PKD1: variants seen among roughly 807,000 people sequenced by gnomAD.
The protein encoded by PKD1 is polycystin-1.
In PKD1, 81 loss-of-function variants were observed where a neutral mutation model predicts 361.7. The ratio of observed to expected loss-of-function variants is 0.22; its 90% CI spans 0.19 to 0.27. The LOEUF is 0.27. Ranked by LOEUF, PKD1 falls within the 10% of genes least tolerant of loss-of-function variation. The probability of loss-of-function intolerance (pLI) is 1.00; values close to 1 mark genes in which losing one functional copy is unlikely to be tolerated. For missense variants in PKD1, 6,399 were observed against 6,118.3 expected, an observed-to-expected ratio of 1.05 and a Z score of -1.53; for synonymous variants, 3,615 against 2,818.3, an observed-to-expected ratio of 1.28 and a Z score of -8.95.
intron 1 of PKD1, among the ~76,000 whole-genome samples, chr16:2,129,412 G>C (rs930484563): frequency 3.3e-5 from 5 of 151,718 alleles, no homozygotes; most frequent in Non-Finnish European, 7.4e-5. Context: ...ACAGGCGTGA[G>C]GCACCGCGCC....
intron 1 of PKD1, among the ~76,000 whole-genome samples, chr16:2,125,267 C>T (rs916167932): frequency 6.6e-6 from 1 of 152,156 alleles, no homozygotes; most frequent in Non-Finnish European, 1.5e-5. Context: ...CTACCACTTC[C>T]ATGGGGAGGG....
intron 1 of PKD1, among the ~76,000 whole-genome samples, chr16:2,131,119 T>G (rs1411843886): frequency 1.6e-4 from 24 of 151,994 alleles, no homozygotes; most frequent in Non-Finnish European, 7.4e-5. Flanking sequence ...ACCATGGAGG[T>G]GGCACCCCCA....
chr16:2,097,181 T>C lies in PKD1; in HGVS notation c.10466A>G (p.Asp3489Gly). The C allele has an allele frequency of 6.4e-7, 1 of 1,556,992 alleles. No individual in the cohort carries two copies. Among genetic ancestry groups the C allele is most frequent in the Non-Finnish European group, 8.7e-7 (1 of 1,150,726 alleles). The change falls in exon 34 of 46, where the codon GAC (aspartate) becomes GGC (glycine). Residue 3489 changes from aspartate to glycine, a missense_variant. Transcript: ENST00000262304. ...EGVSSPAPTQ[D>G]THMETDLLSS... The stretch of plus-strand genomic sequence containing the variant: ...GAGCAGGTCCGTTTCCATGTGGGTG[T>C]CTTGGGTAGGGGCTGGGCTGCTGAC...
In PKD1 at chr16:2,105,345, C is replaced by A; in HGVS notation, c.7993G>T (p.Ala2665Ser). The change falls in exon 21 of 46, where the codon GCT (alanine) becomes TCT (serine). Residue 2665 changes from alanine (A) to serine (S), a missense_variant. Physicochemically the swap from Ala to Ser is moderately conservative, Grantham distance 99. Transcript: ENST00000262304. Reference protein sequence around the residue: ...VHTVDDIQQIAAALAQCMGPS... With the variant: ...VHTVDDIQQISAALAQCMGPS... ...ACCATGCACTGGGCCAGCGCAGCAGCGATCTGCTGGATGTCATCCACAGTG... is the reference window on the plus strand; with the variant it reads ...ACCATGCACTGGGCCAGCGCAGCAGAGATCTGCTGGATGTCATCCACAGTG... 6.3e-7 allele frequency: 1 copy of A among 1,592,702 alleles called. No individual in the cohort carries two copies. Among genetic ancestry groups the A allele is most frequent in the Non-Finnish European group, 8.5e-7 (1 of 1,177,014 alleles).
intron 41 of PKD1, 75 bp downstream of exon 41, chr16:2,091,706 G>T: frequency 6.3e-7 from 1 of 1,583,338 alleles, no homozygotes; most frequent in East Asian, 2.3e-5. Flanking sequence ...GGCCAGCGGG[G>T]GCCGGAGGAG....
Position 2,100,412 on chromosome 16 carries a change from C to T in PKD1, c.9552G>A (p.Val3184=), listed in dbSNP as rs1320050566. ...CGCACAAACCTTTGTTGTCGTGCCA[C>T]ACTCGGATCTTCCACACGCTACCCA... ...HSLGSVWKIR[V]WHDNKGLSPA... is the part of the protein sequence containing the mutation. The change falls in exon 27 of 46, where the codon GTG becomes GTA. Residue 3184 remains valine, a synonymous_variant. Coordinates refer to ENST00000262304, the MANE Select transcript of PKD1 (RefSeq NM_001009944.3). The surrounding 1 kb of genome is among the most constrained non-coding windows in gnomAD (Gnocchi z 4.4). 6.2e-7 allele frequency: 1 copy of T among 1,611,170 alleles called. No individual in the cohort carries two copies. Among genetic ancestry groups the T allele is most frequent in the African/African-American group, 1.3e-5 (1 of 74,860 alleles).
At chr16:2,131,550 C>G (rs955460102) in intron 1 of PKD1, among the ~76,000 whole-genome samples, 1 of 150,076 alleles carries the variant, frequency 6.7e-6, no homozygotes, top group Non-Finnish European at 1.5e-5. Flanking sequence ...TAAAATACAT[C>G]ACTCACACCT....
At chr16:2,103,054 C>T in intron 23 of PKD1, 84 bp from the exon 24 acceptor site, 1 of 1,485,062 alleles carries the variant, frequency 6.7e-7, no homozygotes, top group Non-Finnish European at 9.3e-7. Context: ...TGAGCCCACC[C>T]TCTGCCACGG....
Position 2,094,187 on chromosome 16 carries a change from G to C in PKD1, c.10523C>G (p.Thr3508Arg). The change falls in exon 35 of 46, where the codon ACA becomes AGA. Residue 3508 changes from threonine (T) to arginine (R), a missense_variant. By Grantham distance (71) the Thr-to-Arg change is moderately conservative. Coordinates refer to ENST00000262304, the MANE Select transcript of PKD1 (RefSeq NM_001009944.3). Reference protein sequence around the residue: ...SSLSSTPGEKTETLALQRLGE... With the variant: ...SSLSSTPGEKRETLALQRLGE... ...CAGCCTCTGCAGCGCCAGCGTCTCT[G>C]TCTTCTCCCCAGGAGTGCTGGACCT... 1 of 1,605,756 alleles carries C rather than the reference G, an allele frequency of 6.2e-7. No individual in the cohort carries two copies. Among genetic ancestry groups the C allele is most frequent in the Non-Finnish European group, 8.5e-7 (1 of 1,175,130 alleles).
chr16:2,102,562 G>A lies in PKD1; in HGVS notation c.9020C>T (p.Ser3007Phe). 6 of 1,611,058 alleles carry A rather than the reference G, an allele frequency of 3.7e-6. No individual in the cohort carries two copies. Among genetic ancestry groups the A allele is most frequent in the Non-Finnish European group, 5.1e-6 (6 of 1,179,776 alleles). The part of the protein sequence containing the change: ...SHFRWSALQV[S>F]VGLYTSLCQY... Reference sequence around the variant, plus strand: ...GCACAGGGACGTGTACAGGCCCACGGACACCTGCAGCGCCGACCAGCGGAA... The same window carrying A: ...GCACAGGGACGTGTACAGGCCCACGAACACCTGCAGCGCCGACCAGCGGAA... The change falls in exon 25 of 46, where the codon TCC becomes TTC. Residue 3007 changes from serine (S) to phenylalanine (F), a missense_variant. Transcript: ENST00000262304.
rs376130543 is a variant in PKD1 at position 2,097,257 on chromosome 16, G to A, written c.10406-16C>T. On this transcript the variant is annotated splice_polypyrimidine_tract_variant and intron_variant, in intron 33 of 45. Transcript: ENST00000262304. ...AGGTCTTCATCTAGAGGTACAGGAG[G>A]CATAGGGTGGGCCCAGCTGCAAGGG... The A allele has an allele frequency of 1.7e-5, 27 of 1,598,068 alleles. No homozygotes were observed. Among genetic ancestry groups the A allele is most frequent in the South Asian group, 1.0e-4 (9 of 88,840 alleles).
intron 11 of PKD1, 180 bp from the exon 12 acceptor site, chr16:2,113,472 C>T: frequency 1.5e-6 from 1 of 685,678 alleles, no homozygotes; most frequent in Non-Finnish European, 2.6e-6. Context: ...CTGTCCGGCT[C>T]TCCAGCCAGC....
Position 2,100,483 on chromosome 16 carries a change from G to A in PKD1, c.9481C>T (p.His3161Tyr), listed in dbSNP as rs745380154. Reference protein sequence around the residue: ...HRHLDGDRAFHRNSLDIFRIA... With the variant: ...HRHLDGDRAFYRNSLDIFRIA... Reference sequence around the variant, plus strand: ...CGGAAGATGTCCAGGCTGTTGCGGTGGAAGGCTCTGTCGCCGTCCAGGTGC... The same window carrying A: ...CGGAAGATGTCCAGGCTGTTGCGGTAGAAGGCTCTGTCGCCGTCCAGGTGC... The change falls in exon 27 of 46, where the codon CAC becomes TAC. Residue 3161 changes from histidine to tyrosine, a missense_variant. By Grantham distance (83) the His-to-Tyr change is moderately conservative (BLOSUM62 2). Transcript: ENST00000262304. The surrounding 1 kb of genome is among the most constrained non-coding windows in gnomAD (Gnocchi z 4.4). 11 of 1,610,654 alleles carry A rather than the reference G, an allele frequency of 6.8e-6. No individual in the cohort carries two copies. Among genetic ancestry groups the A allele is most frequent in the Middle Eastern group, 2.3e-4 (1 of 4,430 alleles).
At chr16:2,095,908 T>C (rs879692704) in intron 34 of PKD1, among the ~76,000 whole-genome samples, 4 of 150,338 alleles carry the variant, frequency 2.7e-5, no homozygotes, top group Non-Finnish European at 5.9e-5. Flanking sequence ...GATTTCCCCA[T>C]ACTCTGTATT....
chr16:2,098,131 G>C, intron 30 of PKD1, 147 bp from the exon 31 acceptor site: 1 of 620,788 alleles, frequency 1.6e-6, no homozygotes, highest in African/African-American at 1.8e-5. Context: ...CATCTGCACC[G>C]TCCGTGATGG....
At chr16:2,122,931 G>C (rs1472542769) in intron 1 of PKD1, among the ~76,000 whole-genome samples, 3 of 152,168 alleles carry the variant, frequency 2.0e-5, no homozygotes, top group Non-Finnish European at 2.9e-5. Context: ...CGGGAGAAAG[G>C]AAAGAAGGAA....
Position 2,090,724 on chromosome 16 carries a change from T to C in PKD1, c.12088A>G (p.Thr4030Ala). The C allele has an allele frequency of 3.1e-6, 5 of 1,612,430 alleles. No homozygotes were observed. The highest frequency in any genetic ancestry group is 4.2e-6 in the Non-Finnish European group (5 of 1,179,914). Reference protein sequence around the residue: ...CRALPELLGVTLGLVVLGVAY... With the variant: ...CRALPELLGVALGLVVLGVAY... ...ACCCCGAGCACCACCAGGCCCAAGG[T>C]GACCCCCAGGAGCTCTGGCAGAGCT... Residue 4030 changes from threonine (T) to alanine (A), a missense_variant, in exon 44 of 46, where the codon ACC becomes GCC. Transcript: ENST00000262304.
In PKD1 at chr16:2,097,438, A is replaced by G; in HGVS notation, c.10286T>C (p.Ile3429Thr). ...SWPDLLSDPS[I>T]VGSNLRQLAR... ...CAGCTGCCGCAGATTGCTACCCACA[A>G]TGGACGGGTCACTGAGCAGGTCCGG... is the stretch of plus-strand genomic sequence containing the variant. The change falls in exon 33 of 46, where the codon ATT becomes ACT. Residue 3429 changes from isoleucine (I) to threonine (T), a missense_variant. Transcript: ENST00000262304. 6.2e-7 allele frequency: 1 copy of G among 1,607,226 alleles called. No individual in the cohort carries two copies. The highest frequency in any genetic ancestry group is 8.5e-7 in the Non-Finnish European group (1 of 1,179,914).
chr16:2,111,030 C>T lies in PKD1; in HGVS notation c.4137G>A (p.Glu1379=). The change falls in exon 15 of 46, where the codon GAG becomes GAA. Residue 1379 remains glutamate (E), a synonymous_variant. Transcript: ENST00000262304. ...CTGGCTGCAGGGTGACGTTGCCCAC[C>T]TCTGGCTCCACGCAGATGCTGGTGA... is the stretch of plus-strand genomic sequence containing the variant. ...HYFTSICVEP[E]VGNVTLQPER... 1 of 1,610,726 alleles carries T rather than the reference C, an allele frequency of 6.2e-7. No individual in the cohort carries two copies. The highest frequency in any genetic ancestry group is 2.2e-4 in the Middle Eastern group (1 of 4,454).
Sources: allele counts gnomAD v4.1 joint callset (sites outside exome capture counted in the v4.1 genomes callset), GRCh38; gene constraint gnomAD v4.1.1; non-coding constraint Gnocchi (gnomAD v3.1); transcripts MANE v1.5; gene names NCBI Gene and HGNC (gene_info 2026-07-23, HGNC 2026-07-21).